The following DLGAP2 variants were observed in gnomAD, a reference collection of about 807,000 sequenced individuals.
DLGAP2 encodes disks large-associated protein 2.
In DLGAP2, 26 loss-of-function variants were observed where a neutral mutation model predicts 100.3. The ratio of observed to expected loss-of-function variants is 0.26; its 90% CI spans 0.19 to 0.36. The LOEUF is 0.36. Ranked by LOEUF, DLGAP2 falls within the 10% of genes least tolerant of loss-of-function variation. The pLI is 1.00. For synonymous variants in DLGAP2, 886 were observed against 630.1 expected, an observed-to-expected ratio of 1.41 and a Z score of -6.08; for missense variants, 1,858 against 1,453.2, an observed-to-expected ratio of 1.28 and a Z score of -4.53.
chr8:973,959 C>G (rs1451946616), intron 2 of DLGAP2, among the ~76,000 whole-genome samples: 1 of 151,506 alleles, frequency 6.6e-6, no homozygotes, highest in African/African-American at 2.4e-5. Context: ...CGCGCGCAGA[C>G]CGGGCCACTC....
intron 2 of DLGAP2, among the ~76,000 whole-genome samples, chr8:1,146,232 G>T (rs897665229): frequency 1.3e-5 from 2 of 152,122 alleles, no homozygotes; most frequent in African/African-American, 2.4e-5. Flanking sequence ...CTGGATGCTC[G>T]GTCACCTCGA....
intron 2 of DLGAP2, among the ~76,000 whole-genome samples, chr8:1,108,722 A>G (rs150019684): frequency 1.4e-3 from 120 of 86,412 alleles, no homozygotes; most frequent in African/African-American, 4.5e-3. Context: ...ACGTGCCTAT[A>G]ATGTGTGCAC....
intron 2 of DLGAP2, among the ~76,000 whole-genome samples, chr8:1,158,921 A>T (rs540325054): frequency 3.9e-5 from 6 of 152,380 alleles, no homozygotes; most frequent in Admixed American, 1.3e-4. Context: ...ACTGAAAATG[A>T]GTAAAATCAA....
intron 2 of DLGAP2, among the ~76,000 whole-genome samples, chr8:913,063 A>T (rs1223711795): frequency 6.6e-6 from 1 of 152,238 alleles, no homozygotes; most frequent in African/African-American, 2.4e-5. Flanking sequence ...CTTCATTTTT[A>T]AAAATTTACA....
At chr8:1,158,332 A>C (rs1043312457) in intron 2 of DLGAP2, among the ~76,000 whole-genome samples, 4 of 152,224 alleles carry the variant, frequency 2.6e-5, no homozygotes, top group African/African-American at 9.6e-5. Context: ...TCTGTGTGTT[A>C]TATGTGCATG....
At chr8:1,031,043 GTCTTCTGCCTCCACTCTGTTCCC>G (rs1393320089) in intron 2 of DLGAP2, among the ~76,000 whole-genome samples, 1 of 152,210 alleles carries the variant, frequency 6.6e-6, no homozygotes, top group Non-Finnish European at 1.5e-5. Flanking sequence ...GTGGCTGCGG[GTCTTCTGCCTCCACTCTGTTCCC>G]AGAGCCTGCC....
At chr8:1,003,765 C>A (rs541300945) in intron 2 of DLGAP2, among the ~76,000 whole-genome samples, 66 of 152,284 alleles carry the variant, frequency 4.3e-4, no homozygotes, top group African/African-American at 1.5e-3. Flanking sequence ...TCTCATGAGA[C>A]CTGTCCAGCA....
rs1796138284 is a variant in DLGAP2 at position 1,586,890 on chromosome 8, C to T, written c.1442+20996C>T. Among the ~76,000 whole-genome samples the T allele has an allele frequency of 6.6e-5, 10 of 152,200 alleles. 1 individual carries two copies. Among genetic ancestry groups the T allele is most frequent in the Admixed American group, 5.9e-4 (9 of 15,270 alleles). The stretch of plus-strand genomic sequence containing the variant: ...ATAAGGGGATTTTCTGGGCATGTGG[C>T]TCCCTCTGAAGCTTTTATGCTTTCA... On this transcript the variant is annotated intron_variant, in intron 6 of 14. Coordinates refer to ENST00000637795, the MANE Select transcript of DLGAP2 (RefSeq NM_001346810.2).
At chr8:1,681,508 A>G (rs926235901) in intron 12 of DLGAP2, among the ~76,000 whole-genome samples, 17 of 152,046 alleles carry the variant, frequency 1.1e-4, no homozygotes, top group Admixed American at 2.0e-4. Context: ...CATTTTAAAA[A>G]GTAGCCCGGT....
intron 2 of DLGAP2, among the ~76,000 whole-genome samples, chr8:1,220,295 G>C (rs11779163): frequency 0.27 from 41,279 of 152,028 alleles, 6,324 homozygotes; most frequent in South Asian, 0.44. Flanking sequence ...CCCAAAGATT[G>C]TGGCATGTTG....
chr8:1,019,613 A>G (rs1412186776), intron 2 of DLGAP2: 1 of 146,830 alleles, frequency 6.8e-6, no homozygotes, highest in East Asian at 2.0e-4. Context: ...GAATTTCGTG[A>G]TCTCTGTGGG....
Position 1,535,535 on chromosome 8 carries a change from G to A in DLGAP2, c.173-13091G>A, listed in dbSNP as rs181297264. On this transcript the variant is annotated intron_variant, in intron 4 of 14. Transcript: ENST00000637795. ...CACAGACGTGTTCAAGCGGTCAGAT[G>A]GGCATGCCTGGCACACACGTTGTTG... Among the ~76,000 whole-genome samples, 22 of 152,300 alleles carry A rather than the reference G, an allele frequency of 1.4e-4. No homozygotes were observed. The East Asian group carries it at 2.5e-3, about 17-fold the overall frequency.
intron 3 of DLGAP2, among the ~76,000 whole-genome samples, chr8:1,320,024 C>G (rs757222444): frequency 6.6e-6 from 1 of 151,996 alleles, no homozygotes; most frequent in Non-Finnish European, 1.5e-5. Context: ...CACATGAAGA[C>G]GAAAGGTGTT....
At chr8:1,651,452 CACCAAGAG>C (rs1798161714) in intron 8 of DLGAP2, among the ~76,000 whole-genome samples, 1 of 152,226 alleles carries the variant, frequency 6.6e-6, no homozygotes, top group Admixed American at 6.5e-5. Context: ...CCTCCCCCAT[CACCAAGAG>C]ACTGGAAGTT....
At chr8:1,015,146 TGTG>T (rs1801420822) in intron 2 of DLGAP2, among the ~76,000 whole-genome samples, 1 of 21,108 alleles carries the variant, frequency 4.7e-5, no homozygotes, top group Non-Finnish European at 9.2e-5. Context: ...CCACTGTGTG[TGTG>T]ACCAGGACAG....
At chr8:1,065,924 C>T (rs1803230560) in intron 2 of DLGAP2, among the ~76,000 whole-genome samples, 1 of 152,214 alleles carries the variant, frequency 6.6e-6, no homozygotes, top group Non-Finnish European at 1.5e-5. Flanking sequence ...TGCTCTGGGC[C>T]TGACTTGAGT....
chr8:914,166 C>A (rs539076147), intron 2 of DLGAP2, among the ~76,000 whole-genome samples: 12 of 152,340 alleles, frequency 7.9e-5, no homozygotes, highest in African/African-American at 2.6e-4. Context: ...GAACAGAATT[C>A]CATACGATGT....
intron 1 of DLGAP2, among the ~76,000 whole-genome samples, chr8:904,200 G>C (rs191437333): frequency 6.6e-6 from 1 of 152,178 alleles, no homozygotes. Context: ...CCAGATTTCA[G>C]GTTTTAACTG....
chr8:777,157 A>T (rs1010014660), intron 1 of DLGAP2, among the ~76,000 whole-genome samples: 14 of 152,074 alleles, frequency 9.2e-5, no homozygotes, highest in African/African-American at 1.4e-4. Context: ...GCTTTATCAG[A>T]GACTAGGATT....
Sources: allele counts gnomAD v4.1 joint callset (sites outside exome capture counted in the v4.1 genomes callset), GRCh38; gene constraint gnomAD v4.1.1; transcripts MANE v1.5; gene names NCBI Gene and HGNC (gene_info 2026-07-23, HGNC 2026-07-21).